RPN1: variants seen among roughly 807,000 people sequenced by gnomAD.
The protein encoded by RPN1 is ribophorin I, also known as dolichyl-diphosphooligosaccharide--protein glycosyltransferase subunit 1.
In RPN1, 12 loss-of-function variants were observed where a neutral mutation model predicts 55.5. The observed-to-expected ratio is 0.22, with a 90% CI of 0.14 to 0.35. RPN1 has a LOEUF of 0.35. RPN1 is among the 10% of genes least tolerant of loss of function. The pLI is 1.00. For missense variants in RPN1, 679 were observed against 761.3 expected (o/e 0.89, Z 1.27); for synonymous variants, 317 against 305.9 (o/e 1.04, Z -0.38).
At chr3:128,645,354 C>A (rs1431161391) in intron 1 of RPN1, among the ~76,000 whole-genome samples, 1 of 152,030 alleles carries the variant, frequency 6.6e-6, no homozygotes. Context: ...CCTGTAATCC[C>A]AGCTACTCGG....
chr3:128,639,589 A>T, intron 2 of RPN1, among the ~76,000 whole-genome samples: 1 of 150,760 alleles, frequency 6.6e-6, no homozygotes, highest in South Asian at 2.1e-4. Flanking sequence ...TTTATTTTTT[A>T]TTATTATTAT....
intron 8 of RPN1, among the ~76,000 whole-genome samples, chr3:128,624,005 G>A (rs868529697): frequency 1.2e-4 from 18 of 148,012 alleles, no homozygotes; most frequent in East Asian, 9.9e-4. Flanking sequence ...ACACACACAC[G>A]CACACACACA....
chr3:128,644,771 C>A (rs1272526903), intron 2 of RPN1, 148 bp downstream of exon 2: 5 of 647,596 alleles, frequency 7.7e-6, no homozygotes, highest in Admixed American at 2.7e-5. Context: ...CCAGCCTGGG[C>A]AACATAGCTA....
In RPN1 at chr3:128,638,150, C is replaced by T. The variant is rs2069695358; in HGVS notation, c.327-45G>A. 2.7e-6 allele frequency: 4 copies of T among 1,460,990 alleles called. No homozygotes were observed. The Middle Eastern group carries it at 5.2e-4, about 191-fold the overall frequency. The allele number at this position is 1,460,990 out of a possible 1,614,324, so 90.5% of individuals were successfully genotyped here. ...AGAGAAGTAAGAGAGACTGAGGATA[C>T]TGAAAACAGTAGTAGCAGTTCAAAG... On this transcript the variant is annotated intron_variant, in intron 2 of 9. Coordinates refer to ENST00000296255, the MANE Select transcript of RPN1 (RefSeq NM_002950.4).
intron 1 of RPN1, among the ~76,000 whole-genome samples, chr3:128,647,714 C>T (rs1266703776): frequency 6.8e-6 from 1 of 147,666 alleles, no homozygotes; most frequent in Non-Finnish European, 1.5e-5. Context: ...AAAAAAGGAA[C>T]ATTCTAGTAT....
At chr3:128,632,636 C>T (rs1253036886) in intron 3 of RPN1, among the ~76,000 whole-genome samples, 3 of 152,134 alleles carry the variant, frequency 2.0e-5, no homozygotes, top group African/African-American at 7.2e-5. Flanking sequence ...GCTCTGTCAC[C>T]CAGGCTGGAG....
At position 128,644,966 on chromosome 3, in the gene RPN1, C is replaced by T; in HGVS notation, c.279G>A (p.Glu93=). 1 of 1,576,274 alleles carries T rather than the reference C, an allele frequency of 6.3e-7. No individual in the cohort carries two copies. Among genetic ancestry groups the T allele is most frequent in the Non-Finnish European group, 8.7e-7 (1 of 1,145,586 alleles). Residue 93 remains glutamate (E), a synonymous_variant, in exon 2 of 10, where the codon GAG becomes GAA. Transcript: ENST00000296255. ...HLGVQVKGED[E]EENNLEVRET... ...CACGTACTTCCAAATTGTTCTCTTCCTCATCTTCTCCCTTTACCTACAACA... is the reference window on the plus strand; with the variant it reads ...CACGTACTTCCAAATTGTTCTCTTCTTCATCTTCTCCCTTTACCTACAACA...
At position 128,635,900 on chromosome 3, in the gene RPN1, T is replaced by C. The variant is rs561600953; in HGVS notation, c.633+1899A>G. Among the ~76,000 whole-genome samples, 89 of 151,808 alleles carry C rather than the reference T, an allele frequency of 5.9e-4. 2 individuals carry two copies. In the South Asian group the frequency reaches 0.014, roughly 24 times the overall value. The stretch of plus-strand genomic sequence containing the variant: ...ATTTTGTTACATACAACTTGTTATG[T>C]ATGATTTTGTTACATACAACTTGTT... On this transcript the variant is annotated intron_variant, in intron 3 of 9. Transcript: ENST00000296255.
chr3:128,624,594 C>A (rs570176169), intron 8 of RPN1, among the ~76,000 whole-genome samples: 57 of 152,310 alleles, frequency 3.7e-4, no homozygotes, highest in African/African-American at 1.3e-3. Context: ...TCCCTGCTGT[C>A]TCACAAACAT....
chr3:128,650,025 T>C (rs1357029363), intron 1 of RPN1, among the ~76,000 whole-genome samples: 1 of 152,230 alleles, frequency 6.6e-6, no homozygotes, highest in Non-Finnish European at 1.5e-5. Flanking sequence ...ACGGACCAGA[T>C]ACTGAATTAA....
At chr3:128,648,830 G>A (rs973000794) in intron 1 of RPN1, among the ~76,000 whole-genome samples, 2 of 152,148 alleles carry the variant, frequency 1.3e-5, no homozygotes, top group African/African-American at 4.8e-5. Context: ...AGCCAGAAGA[G>A]GCAACATTAT....
chr3:128,626,775 A>C lies in RPN1; in HGVS notation c.1094T>G (p.Ile365Arg). 6.2e-7 allele frequency: 1 copy of C among 1,614,198 alleles called. No individual in the cohort carries two copies. Residue 365 changes from isoleucine to arginine, a missense_variant, in exon 6 of 10, where the codon ATA becomes AGA. Ile to Arg is a moderately conservative substitution (Grantham distance 97). This residue lies in a region of RPN1 where 306 missense variants were observed against 360.0 expected (regional missense o/e 0.85). Coordinates refer to ENST00000296255, the MANE Select transcript of RPN1 (RefSeq NM_002950.4). ...FVDHVFDEQVIDSLTVKIILP... is the reference protein window; with the variant it reads ...FVDHVFDEQVRDSLTVKIILP... ...GATGATCTTCACAGTCAGAGAATCTATCACTTGTTCATCAAACACATGGTC... is the reference window on the plus strand; with the variant it reads ...GATGATCTTCACAGTCAGAGAATCTCTCACTTGTTCATCAAACACATGGTC...
At chr3:128,624,651 C>T (rs2069586238) in intron 8 of RPN1, among the ~76,000 whole-genome samples, 1 of 152,148 alleles carries the variant, frequency 6.6e-6, no homozygotes, top group Non-Finnish European at 1.5e-5. Flanking sequence ...TGCCTGTCAC[C>T]TCCTCAGGGT....
chr3:128,636,521 T>A (rs757777412), intron 3 of RPN1, among the ~76,000 whole-genome samples: 1 of 151,742 alleles, frequency 6.6e-6, no homozygotes, highest in East Asian at 1.9e-4. Flanking sequence ...TCAAGTAGCA[T>A]TAGAACAAAG....
intron 8 of RPN1, among the ~76,000 whole-genome samples, chr3:128,623,024 A>G (rs1433592064): frequency 1.3e-5 from 2 of 152,178 alleles, no homozygotes; most frequent in Non-Finnish European, 2.9e-5. Context: ...TTGCCCATTT[A>G]ATCAGCAGGA....
chr3:128,626,499 A>AACT (rs2069601104), intron 6 of RPN1, among the ~76,000 whole-genome samples: 1 of 152,196 alleles, frequency 6.6e-6, no homozygotes, highest in African/African-American at 2.4e-5. Context: ...TTGCATGAGG[A>AACT]ACTACTCTTC....
intron 2 of RPN1, among the ~76,000 whole-genome samples, chr3:128,643,176 AAGTAGCC>A (rs144602968): frequency 0.089 from 13,341 of 149,856 alleles, 831 homozygotes; most frequent in East Asian, 0.35. Context: ...AAAATACAAA[AAGTAGCC>A]AGGTGTGGTA....
chr3:128,626,999 C>T (rs1459477749), intron 5 of RPN1, 167 bp from the exon 6 acceptor site: 1 of 609,336 alleles, frequency 1.6e-6, no homozygotes, highest in Admixed American at 2.8e-5. Context: ...TCTACTGAAC[C>T]CCACAACACA....
chr3:128,630,544 A>G (rs374387411), intron 4 of RPN1, among the ~76,000 whole-genome samples: 20 of 152,316 alleles, frequency 1.3e-4, no homozygotes, highest in East Asian at 1.2e-3. Context: ...ACTTTATTGT[A>G]TCTTCCAAAT....
Sources: allele counts gnomAD v4.1 joint callset (sites outside exome capture counted in the v4.1 genomes callset), GRCh38; gene constraint gnomAD v4.1.1; regional missense constraint gnomAD v4.1.1; transcripts MANE v1.5; gene names NCBI Gene and HGNC (gene_info 2026-07-23, HGNC 2026-07-21).